Variants in AFG2A observed in about 807,000 individuals in gnomAD.
AFG2A encodes the protein AAA ATPase AFG2A, also known as ATPase family gene 2 protein homolog A.
the AFG2A span, among the ~76,000 whole-genome samples, chr4:123,140,106 A>G: frequency 1.3e-5 from 2 of 152,042 alleles, no homozygotes; most frequent in Admixed American, 1.3e-4. Context: ...ACTGTACTAT[A>G]TTTCGTTTCT....
chr4:122,996,268 A>G, the AFG2A span, among the ~76,000 whole-genome samples: 7 of 152,158 alleles, frequency 4.6e-5, no homozygotes, highest in Non-Finnish European at 1.0e-4. Flanking sequence ...TTCCATACAC[A>G]TGGACTCCAA....
At chr4:122,986,718 C>A in the AFG2A span, among the ~76,000 whole-genome samples, 1 of 152,006 alleles carries the variant, frequency 6.6e-6, no homozygotes, top group Non-Finnish European at 1.5e-5. Flanking sequence ...TAACCAAATA[C>A]CACCTGTACC....
chr4:123,196,958 A>G, the AFG2A span, among the ~76,000 whole-genome samples: 1 of 152,210 alleles, frequency 6.6e-6, no homozygotes, highest in Admixed American at 6.5e-5. Context: ...CAGTTCAAAG[A>G]TGTTACCAGT....
chr4:123,209,504 G>C, the AFG2A span, among the ~76,000 whole-genome samples: 13 of 151,152 alleles, frequency 8.6e-5, no homozygotes, highest in African/African-American at 2.9e-4. Context: ...TATAAGGATA[G>C]AAAAGGAGAT....
the AFG2A span, among the ~76,000 whole-genome samples, chr4:123,237,548 C>T: frequency 6.6e-6 from 1 of 151,708 alleles, no homozygotes; most frequent in Non-Finnish European, 1.5e-5. Context: ...TGGTGCCTGC[C>T]TGTAATCACA....
chr4:123,225,347 TAAC>T, the AFG2A span, among the ~76,000 whole-genome samples: 77 of 152,350 alleles, frequency 5.1e-4, no homozygotes, highest in Non-Finnish European at 8.7e-4. Context: ...GTTTTAGGTC[TAAC>T]ATTTAAGTCT....
At chr4:123,056,501 G>A in the AFG2A span, 1 of 1,423,482 alleles carries the variant, frequency 7.0e-7, no homozygotes, top group Non-Finnish European at 9.4e-7. Context: ...GTCCTGTGCA[G>A]CTTCCCTTTT....
chr4:123,096,878 G>T, the AFG2A span, among the ~76,000 whole-genome samples: 1 of 152,084 alleles, frequency 6.6e-6, no homozygotes, highest in African/African-American at 2.4e-5. Context: ...TTTCCTTACA[G>T]TTTTTCTGGA....
chr4:123,031,225 C>T, the AFG2A span, among the ~76,000 whole-genome samples: 1 of 152,114 alleles, frequency 6.6e-6, no homozygotes, highest in East Asian at 1.9e-4. Flanking sequence ...GATCTCAGCT[C>T]ACCGCAGTTC....
At chr4:123,029,947 G>A in the AFG2A span, among the ~76,000 whole-genome samples, 14 of 152,240 alleles carry the variant, frequency 9.2e-5, no homozygotes, top group African/African-American at 2.6e-4. Context: ...CAAAGGTTGC[G>A]GTTTTAAGGG....
the AFG2A span, among the ~76,000 whole-genome samples, chr4:122,975,260 CCTCA>C: frequency 6.6e-6 from 1 of 151,176 alleles, no homozygotes; most frequent in Non-Finnish European, 1.5e-5. Context: ...AACGTTGTGT[CCTCA>C]CATAGCAGAA....
chr4:122,996,588 GATA>G, the AFG2A span, among the ~76,000 whole-genome samples: 1 of 151,536 alleles, frequency 6.6e-6, no homozygotes, highest in African/African-American at 2.4e-5. Context: ...TAGATAGATA[GATA>G]GATAGATAGA....
the AFG2A span, among the ~76,000 whole-genome samples, chr4:123,299,138 T>C: frequency 4.0e-5 from 6 of 151,884 alleles, no homozygotes; most frequent in African/African-American, 1.5e-4. Context: ...TGTGTGTGTG[T>C]GTGTGTGTGT....
the AFG2A span, among the ~76,000 whole-genome samples, chr4:123,138,675 G>A: frequency 3.2e-4 from 49 of 151,644 alleles, no homozygotes; most frequent in South Asian, 6.7e-3. Flanking sequence ...TCATAACAGC[G>A]TACACTTAAC....
At chr4:122,988,445 C>T in the AFG2A span, among the ~76,000 whole-genome samples, 2 of 146,042 alleles carry the variant, frequency 1.4e-5, no homozygotes, top group Non-Finnish European at 3.0e-5. Flanking sequence ...TGTCACCAGG[C>T]TGGAGGGTAG....
the AFG2A span, among the ~76,000 whole-genome samples, chr4:123,235,454 C>T: frequency 1.3e-5 from 2 of 152,142 alleles, no homozygotes; most frequent in Admixed American, 6.5e-5. Context: ...AACTTGACCT[C>T]GCCATCAGTC....
At chr4:122,923,219 C>T in the AFG2A span, 3 of 1,614,124 alleles carry the variant, frequency 1.9e-6, no homozygotes, top group African/African-American at 4.0e-5. Flanking sequence ...GCTGCTTCCT[C>T]TTGTGCGGAG....
chr4:123,172,886 G>T, the AFG2A span, among the ~76,000 whole-genome samples: 7 of 152,110 alleles, frequency 4.6e-5, 1 homozygote, highest in Non-Finnish European at 8.8e-5. Context: ...TGAAGTCTAG[G>T]TACAGTTTCT....
At chr4:122,970,929 G>A in the AFG2A span, among the ~76,000 whole-genome samples, 2 of 152,106 alleles carry the variant, frequency 1.3e-5, no homozygotes, top group African/African-American at 4.8e-5. Flanking sequence ...TGCCTCCCGG[G>A]TTCAAGCAAT....
Sources: gnomAD v4.1 joint callset for allele counts (sites outside exome capture counted in the v4.1 genomes callset) on GRCh38, gnomAD v4.1.1 for gene constraint, MANE v1.5 for transcripts, NCBI Gene and HGNC (gene_info 2026-07-23, HGNC 2026-07-21) for gene names.